NR2C1: variants seen among roughly 807,000 people sequenced by gnomAD.
NR2C1 encodes the protein TR2 nuclear hormone receptor.
NR2C1 carries 33 observed loss-of-function variants against 74.8 expected under a neutral mutation model. The ratio of observed to expected loss-of-function variants is 0.44; its 90% CI spans 0.33 to 0.59. NR2C1 has a LOEUF of 0.59. Ranked by LOEUF, NR2C1 falls within the 20% of genes least tolerant of loss-of-function variation. The pLI is 0.02. For missense variants in NR2C1, 568 were observed against 715.6 expected (o/e 0.79, Z 2.35); for synonymous variants, 225 against 240.6 (o/e 0.94, Z 0.60).
At chr12:95,043,018 C>T (rs528771325) in intron 9 of NR2C1, among the ~76,000 whole-genome samples, 68 of 150,972 alleles carry the variant, frequency 4.5e-4, no homozygotes, top group African/African-American at 1.7e-3. Context: ...ATCCCAGCAA[C>T]TCGGGAGGCT....
chr12:95,073,206 C>G (rs1261105072), intron 1 of NR2C1, among the ~76,000 whole-genome samples, 174 bp downstream of exon 1: 4 of 152,226 alleles, frequency 2.6e-5, no homozygotes, highest in Admixed American at 6.5e-5. Flanking sequence ...CTCCGCGCTC[C>G]CAGCCGAAGT....
chr12:95,052,811 T>C (rs1039231290), intron 7 of NR2C1, among the ~76,000 whole-genome samples: 34 of 152,278 alleles, frequency 2.2e-4, no homozygotes, highest in African/African-American at 8.2e-4. Context: ...AATGAATTGT[T>C]GAACAGACTT....
intron 2 of NR2C1, among the ~76,000 whole-genome samples, chr12:95,066,693 G>T (rs1875755730): frequency 6.6e-6 from 1 of 152,110 alleles, no homozygotes; most frequent in Non-Finnish European, 1.5e-5. Flanking sequence ...CATCCGGAAA[G>T]CAATGATTCA....
At chr12:95,029,701 C>T (rs1054114062) in intron 11 of NR2C1, among the ~76,000 whole-genome samples, 12 of 151,476 alleles carry the variant, frequency 7.9e-5, no homozygotes, top group African/African-American at 2.7e-4. Flanking sequence ...GGATTACAGG[C>T]GCTTGCCACC....
At chr12:95,061,834 T>C (rs1874828176) in intron 3 of NR2C1, among the ~76,000 whole-genome samples, 1 of 152,182 alleles carries the variant, frequency 6.6e-6, no homozygotes, top group Non-Finnish European at 1.5e-5. Context: ...AGGCATGTGG[T>C]GTATAAAAGT....
chr12:95,057,605 A>C lies in NR2C1; in HGVS notation c.731T>G (p.Ile244Ser). 1 of 1,614,110 alleles carries C rather than the reference A, an allele frequency of 6.2e-7. No individual in the cohort carries two copies. The highest frequency in any genetic ancestry group is 8.5e-7 in the Non-Finnish European group (1 of 1,179,996). ...CTCAGTTTTTACTCCAGATGGATGA[A>C]TATTCATGAACATTCCTGAATCTAA... ...GLLDSGMFMN[I>S]HPSGVKTESA... The change falls in exon 7 of 14, where the codon ATT becomes AGT. Residue 244 changes from isoleucine (I) to serine (S), a missense_variant. Ile to Ser is a moderately radical substitution (Grantham distance 142). This residue lies in a region of NR2C1 where 239 missense variants were observed against 232.3 expected (regional missense o/e 1.03). Transcript: ENST00000333003.
At chr12:95,030,352 T>A (rs1869919865) in intron 11 of NR2C1, 3 of 813,850 alleles carry the variant, frequency 3.7e-6, no homozygotes, top group Non-Finnish European at 5.0e-6. Flanking sequence ...AAGACTACTA[T>A]AATAAAAACA....
chr12:95,032,180 T>G (rs957412424), intron 10 of NR2C1, among the ~76,000 whole-genome samples: 6 of 152,218 alleles, frequency 3.9e-5, no homozygotes, highest in Non-Finnish European at 8.8e-5. Flanking sequence ...TAGAATTATT[T>G]TATAGTAGGC....
Position 95,057,655 on chromosome 12 carries a change from C to A in NR2C1, c.693-12G>T. 1 of 1,612,992 alleles carries A rather than the reference C, an allele frequency of 6.2e-7. No homozygotes were observed. The highest frequency in any genetic ancestry group is 8.5e-7 in the Non-Finnish European group (1 of 1,179,656). On this transcript the variant is annotated splice_polypyrimidine_tract_variant and intron_variant, in intron 6 of 13. Coordinates refer to ENST00000333003, the MANE Select transcript of NR2C1 (RefSeq NM_003297.4). ...ACAGTCCTGTTGACCTGTAACAAAT[C>A]AGCACAAATTTTGGCCTGAGTTTCA... is the stretch of plus-strand genomic sequence containing the variant.
rs1871037498 is a variant in NR2C1 at position 95,037,761 on chromosome 12, T to G, written c.1253+2715A>C. ...ATACAAAAAATTAGCCGGGTGTGGT[T>G]GCAGGTGCCTGTAGTCCCAGCTACT... On this transcript the variant is annotated intron_variant, in intron 10 of 13. Coordinates refer to ENST00000333003, the MANE Select transcript of NR2C1 (RefSeq NM_003297.4). Among the ~76,000 whole-genome samples the G allele has an allele frequency of 2.6e-5, 4 of 151,938 alleles. No individual in the cohort carries two copies. The South Asian group carries it at 8.3e-4, about 32-fold the overall frequency.
At chr12:95,052,198 T>C (rs111429864) in intron 7 of NR2C1, among the ~76,000 whole-genome samples, 3,130 of 151,416 alleles carry the variant, frequency 0.021, 101 homozygotes, top group African/African-American at 0.071. Flanking sequence ...ACTCTGTCAC[T>C]AGGCTGGAGT....
chr12:95,043,903 A>G (rs1332989312), intron 9 of NR2C1, among the ~76,000 whole-genome samples: 1 of 152,166 alleles, frequency 6.6e-6, no homozygotes, highest in African/African-American at 2.4e-5. Flanking sequence ...CACCATGTTA[A>G]CTTATAAAGA....
chr12:95,031,402 A>G lies in NR2C1; in HGVS notation c.1340T>C (p.Val447Ala), dbSNP rs1419625988. The change falls in exon 11 of 14, where the codon GTA (valine) becomes GCA (alanine). Residue 447 changes from valine (V) to alanine (A), a missense_variant. Physicochemically the swap from Val to Ala is moderately conservative, Grantham distance 64. Around this residue, in one of 6 missense-constraint regions of NR2C1, gnomAD observed 117 missense variants for 186.7 expected, o/e 0.63. Transcript: ENST00000333003. ...GACAAATGTTGCTAATATAGTTGCT[A>G]CATTCATCACTTGCCAGCACTGGGC... is the stretch of plus-strand genomic sequence containing the variant. ...GLAQCWQVMN[V>A]ATILATFVNC... is the part of the protein sequence containing the mutation. The G allele has an allele frequency of 3.1e-6, 5 of 1,607,682 alleles. No individual in the cohort carries two copies. Among genetic ancestry groups the G allele is most frequent in the South Asian group, 1.1e-5 (1 of 89,892 alleles).
intron 7 of NR2C1, among the ~76,000 whole-genome samples, chr12:95,054,573 G>A (rs1030639874): frequency 2.0e-5 from 3 of 151,944 alleles, no homozygotes; most frequent in African/African-American, 7.3e-5. Flanking sequence ...TGAGCTGCTG[G>A]GATACAGGCT....
In NR2C1 at chr12:95,057,637, T is replaced by C. The variant is rs144456639; in HGVS notation, c.699A>G (p.Thr233=). The C allele has an allele frequency of 1.9e-6, 3 of 1,613,556 alleles. No homozygotes were observed. The highest frequency in any genetic ancestry group is 1.7e-6 in the Non-Finnish European group (2 of 1,179,898). ...TGAACATTCCTGAATCTAACAGTCC[T>C]GTTGACCTGTAACAAATCAGCACAA... ...FVTDSESTRS[T]GLLDSGMFMN... is the part of the protein sequence containing the mutation. The change falls in exon 7 of 14, where the codon ACA becomes ACG. Residue 233 remains threonine (T), a synonymous_variant. Coordinates refer to ENST00000333003, the MANE Select transcript of NR2C1 (RefSeq NM_003297.4).
intron 12 of NR2C1, among the ~76,000 whole-genome samples, chr12:95,025,964 T>C (rs2136091291): frequency 6.6e-6 from 1 of 151,910 alleles, no homozygotes; most frequent in Middle Eastern, 3.4e-3. Context: ...CCCAGCACTT[T>C]GGGAGGCCGA....
chr12:95,032,211 A>G (rs1870212409), intron 10 of NR2C1, among the ~76,000 whole-genome samples: 1 of 152,254 alleles, frequency 6.6e-6, no homozygotes, highest in African/African-American at 2.4e-5. Flanking sequence ...TTTTAGGAGA[A>G]AAATGGTTCA....
chr12:95,036,282 A>AAT (rs1043351273), intron 10 of NR2C1, among the ~76,000 whole-genome samples: 4 of 151,308 alleles, frequency 2.6e-5, no homozygotes, highest in African/African-American at 9.7e-5. Flanking sequence ...TAAAAAAAAA[A>AAT]AAAAAAAAGG....
chr12:95,040,725 G>C (rs1592744869), intron 9 of NR2C1, 128 bp from the exon 10 acceptor site: 10 of 849,492 alleles, frequency 1.2e-5, no homozygotes, highest in African/African-American at 8.7e-5. Context: ...AGCTAATCTT[G>C]AAATAATCCA....
Sources: gnomAD v4.1 joint callset for allele counts (sites outside exome capture counted in the v4.1 genomes callset) on GRCh38, gnomAD v4.1.1 for gene constraint, gnomAD v4.1.1 regional missense constraint, MANE v1.5 for transcripts, NCBI Gene and HGNC (gene_info 2026-07-23, HGNC 2026-07-21) for gene names.